Variants in RBFOX3 observed in about 807,000 individuals in gnomAD.
The protein encoded by RBFOX3 is RNA binding protein fox-1 homolog 3.
Under a neutral mutation model 48.7 loss-of-function variants are expected in RBFOX3, and 17 were observed. That is an observed-to-expected ratio of 0.35 (90% CI 0.24 to 0.52). The LOEUF is 0.52. RBFOX3 is among the 20% of genes least tolerant of loss of function. RBFOX3 has a pLI of 0.94. For missense variants in RBFOX3, 382 were observed against 497.5 expected (o/e 0.77, Z 2.21); for synonymous variants, 212 against 209.5 (o/e 1.01, Z -0.10).
intron 2 of RBFOX3, among the ~76,000 whole-genome samples, chr17:79,442,400 AG>A (rs1555735664): frequency 7.5e-6 from 1 of 134,130 alleles, no homozygotes; most frequent in African/African-American, 2.9e-5. Flanking sequence ...AGAGAGAGAG[AG>A]AAAGAGAGAC....
intron 1 of RBFOX3, among the ~76,000 whole-genome samples, chr17:79,547,740 G>T (rs2090645608): frequency 1.3e-5 from 2 of 152,206 alleles, no homozygotes; most frequent in South Asian, 4.1e-4. Flanking sequence ...AGCAGGCTGG[G>T]GGAGGACGCG....
chr17:79,529,956 T>C (rs1555786899), intron 1 of RBFOX3, among the ~76,000 whole-genome samples: 1 of 152,236 alleles, frequency 6.6e-6, no homozygotes, highest in East Asian at 1.9e-4. Context: ...CACGTGGCTC[T>C]GAGAGGCTGA....
At position 79,254,838 on chromosome 17, in the gene RBFOX3, C is replaced by A. The variant is rs1439444219; in HGVS notation, c.-73-19033G>T. ...AAGTGCTGGATGGCCCAGGTTATGG[C>A]CACTTGGCTATCACCATGGGCTGGA... On this transcript the variant is annotated intron_variant, in intron 3 of 14. Coordinates refer to ENST00000693108, the MANE Select transcript of RBFOX3 (RefSeq NM_001350451.2). The surrounding 1 kb of genome is among the most constrained non-coding windows in gnomAD (Gnocchi z 4.8). Among the ~76,000 whole-genome samples, 1 of 152,118 alleles carries A rather than the reference C, an allele frequency of 6.6e-6. No individual in the cohort carries two copies. The highest frequency in any genetic ancestry group is 1.9e-4 in the East Asian group (1 of 5,186).
intron 2 of RBFOX3, among the ~76,000 whole-genome samples, chr17:79,468,797 CAGAT>C (rs1351655108): frequency 1.4e-5 from 2 of 142,400 alleles, no homozygotes; most frequent in African/African-American, 5.3e-5. Flanking sequence ...AGATAGATGG[CAGAT>C]AGACAGGAAG....
At chr17:79,386,432 A>C (rs556753768) in intron 2 of RBFOX3, among the ~76,000 whole-genome samples, 17 of 152,368 alleles carry the variant, frequency 1.1e-4, no homozygotes, top group African/African-American at 4.1e-4. Context: ...CACATAGGGA[A>C]ACTCAATAAG....
chr17:79,266,171 C>T (rs73414201), intron 3 of RBFOX3, among the ~76,000 whole-genome samples: 1,680 of 152,304 alleles, frequency 0.011, 39 homozygotes, highest in African/African-American at 0.038. Flanking sequence ...GCCTGTTCTC[C>T]CATGGCAGAA....
At position 79,477,257 on chromosome 17, in the gene RBFOX3, T is replaced by A. The variant is rs374626010; in HGVS notation, c.-175+5197A>T. 6.2e-5 allele frequency among the ~76,000 whole-genome samples: 7 copies of A among 113,308 alleles called. No homozygotes were observed. The highest frequency in any genetic ancestry group is 1.0e-4 in the African/African-American group (3 of 28,588). The allele number at this position is 113,308 out of a possible 152,430, so 74.3% of individuals were successfully genotyped here. On this transcript the variant is annotated intron_variant, in intron 2 of 14. Coordinates refer to ENST00000693108, the MANE Select transcript of RBFOX3 (RefSeq NM_001350451.2). This position sits in a 1 kb window ranked among gnomAD's most constrained non-coding sequence, Gnocchi z 4.8. ...CAAAAAAAAATAAATAAAGATAAAT[T>A]AAAAAAAAAAAAAAAAAAAGAGGGC...
chr17:79,424,185 T>C (rs2066946410), intron 2 of RBFOX3: 1 of 152,296 alleles, frequency 6.6e-6, no homozygotes, highest in Admixed American at 6.5e-5. Context: ...CAGAGCGGAA[T>C]CCTCCAGGCA....
intron 3 of RBFOX3, among the ~76,000 whole-genome samples, chr17:79,280,344 C>T (rs1329453190): frequency 3.9e-5 from 6 of 152,072 alleles, no homozygotes; most frequent in East Asian, 1.9e-4. Context: ...ACCATCAATG[C>T]GACAAAAAGA....
intron 2 of RBFOX3, among the ~76,000 whole-genome samples, chr17:79,465,410 G>A (rs1598815744): frequency 6.6e-6 from 1 of 152,202 alleles, no homozygotes; most frequent in South Asian, 2.1e-4. Context: ...GAGGACTGGA[G>A]GGCCACGGGT....
At chr17:79,572,602 G>A (rs1465787252) in intron 1 of RBFOX3, among the ~76,000 whole-genome samples, 1 of 152,208 alleles carries the variant, frequency 6.6e-6, no homozygotes, top group Non-Finnish European at 1.5e-5. Context: ...GGCAGTGGGA[G>A]CTGAGCCCTT....
chr17:79,347,042 C>T (rs1488647735), intron 2 of RBFOX3, among the ~76,000 whole-genome samples: 1 of 152,222 alleles, frequency 6.6e-6, no homozygotes, highest in East Asian at 1.9e-4. Flanking sequence ...CATCTAGCTT[C>T]TTTTTCTCTC....
At chr17:79,382,830 C>G (rs1436321092) in intron 2 of RBFOX3, among the ~76,000 whole-genome samples, 1 of 152,214 alleles carries the variant, frequency 6.6e-6, no homozygotes, top group African/African-American at 2.4e-5. Flanking sequence ...TGGGTGCTTG[C>G]TGGTGGATGC....
At chr17:79,641,349 G>A in the RBFOX3 span, among the ~76,000 whole-genome samples, 2 of 152,188 alleles carry the variant, frequency 1.3e-5, no homozygotes, top group Non-Finnish European at 2.9e-5. Context: ...TACATTGTTG[G>A]TAGAAATGTA....
chr17:79,620,200 C>T, the RBFOX3 span, among the ~76,000 whole-genome samples: 7 of 150,472 alleles, frequency 4.7e-5, no homozygotes, highest in East Asian at 2.0e-4. Flanking sequence ...CATGCACACA[C>T]GTGCACATGC....
intron 1 of RBFOX3, among the ~76,000 whole-genome samples, chr17:79,594,712 A>G (rs1483938168): frequency 6.6e-6 from 1 of 152,262 alleles, no homozygotes; most frequent in Admixed American, 6.5e-5. Context: ...AAGGCACCTT[A>G]TAAATCAGAG....
rs1157336905 is a variant in RBFOX3, at chr17:79,418,331, C to A, written c.-175+64123G>T. 1.3e-5 allele frequency among the ~76,000 whole-genome samples: 2 copies of A among 152,204 alleles called. No individual in the cohort carries two copies. The highest frequency in any genetic ancestry group is 3.8e-4 in the East Asian group (2 of 5,200). On this transcript the variant is annotated intron_variant, in intron 2 of 14. Coordinates refer to ENST00000693108, the MANE Select transcript of RBFOX3 (RefSeq NM_001350451.2). This position sits in a 1 kb window ranked among gnomAD's most constrained non-coding sequence, Gnocchi z 5.0. Reference sequence around the variant, plus strand: ...ACACCCACCCATGCACACGCGTGCACACACGTTTCCCACACTAAAAGTTGG... The same window carrying A: ...ACACCCACCCATGCACACGCGTGCAAACACGTTTCCCACACTAAAAGTTGG...
At chr17:79,319,063 A>C (rs563178622) in intron 2 of RBFOX3, among the ~76,000 whole-genome samples, 1 of 152,082 alleles carries the variant, frequency 6.6e-6, no homozygotes, top group African/African-American at 2.4e-5. Flanking sequence ...GAAGGAGGGA[A>C]GACATGAGGG....
At chr17:79,660,344 T>TC in the RBFOX3 span, among the ~76,000 whole-genome samples, 809 of 152,096 alleles carry the variant, frequency 5.3e-3, 10 homozygotes, top group African/African-American at 0.019. Context: ...AAAGAAACTA[T>TC]CATCAGAGTG....
Sources: allele counts gnomAD v4.1 joint callset (sites outside exome capture counted in the v4.1 genomes callset), GRCh38; gene constraint gnomAD v4.1.1; non-coding constraint Gnocchi (gnomAD v3.1); transcripts MANE v1.5; gene names NCBI Gene and HGNC (gene_info 2026-07-23, HGNC 2026-07-21).